Variants in PDE1C observed in about 807,000 individuals in gnomAD.
PDE1C encodes the protein dual specificity calcium/calmodulin-dependent 3',5'-cyclic nucleotide phosphodiesterase 1C.
Under a neutral mutation model 93.1 loss-of-function variants are expected in PDE1C, and 62 were observed. That is an observed-to-expected ratio of 0.67 (90% CI 0.54 to 0.82). The LOEUF (loss-of-function observed/expected upper bound fraction) is 0.82, where lower values mean the gene tolerates loss of function less well. Ranked by LOEUF, PDE1C falls within the 40% of genes least tolerant of loss-of-function variation. The pLI, the probability that PDE1C is intolerant of heterozygous loss-of-function variation, is 0.00. For synonymous variants in PDE1C, 325 were observed against 310.1 expected, an observed-to-expected ratio of 1.05 and a Z score of -0.50; for missense variants, 742 against 884.6, an observed-to-expected ratio of 0.84 and a Z score of 2.04.
chr7:31,740,559 T>G, the PDE1C span, among the ~76,000 whole-genome samples: 1 of 152,238 alleles, frequency 6.6e-6, no homozygotes, highest in African/African-American at 2.4e-5. Flanking sequence ...GAATGCTAGA[T>G]TACCATGTGC....
chr7:31,790,264 AAAAAAG>A (rs750192083), intron 16 of PDE1C: 24 of 1,611,812 alleles, frequency 1.5e-5, no homozygotes, highest in East Asian at 4.5e-5. Context: ...GTGAATCTGA[AAAAAAG>A]AAAAAGAAAA....
intron 2 of PDE1C, among the ~76,000 whole-genome samples, chr7:31,914,062 T>C (rs1183674466): frequency 6.6e-6 from 1 of 152,188 alleles, no homozygotes; most frequent in African/African-American, 2.4e-5. Context: ...AGGGAAAATA[T>C]ATAAATTCAC....
chr7:31,804,091 T>C (rs1281141629), intron 16 of PDE1C, among the ~76,000 whole-genome samples: 1 of 151,842 alleles, frequency 6.6e-6, no homozygotes, highest in Non-Finnish European at 1.5e-5. Context: ...CCAAACATTG[T>C]GAATTTCACC....
At chr7:32,156,745 G>A (rs1334396160) in intron 3 of PDE1C, among the ~76,000 whole-genome samples, 1 of 152,202 alleles carries the variant, frequency 6.6e-6, no homozygotes, top group East Asian at 1.9e-4. Flanking sequence ...AGAAGTGATA[G>A]GGTTAGAAAA....
At chr7:32,128,831 GC>G (rs1187205912) in intron 3 of PDE1C, among the ~76,000 whole-genome samples, 2 of 145,174 alleles carry the variant, frequency 1.4e-5, no homozygotes, top group Non-Finnish European at 3.0e-5. Context: ...GCAGGGGGAA[GC>G]TTGCCATTAA....
intron 7 of PDE1C, among the ~76,000 whole-genome samples, chr7:31,861,518 T>C (rs758793314): frequency 1.8e-4 from 27 of 152,042 alleles, no homozygotes; most frequent in Non-Finnish European, 4.4e-5. Flanking sequence ...AAACTCTACA[T>C]GTCTAAATCA....
chr7:32,124,062 T>C (rs1030100563), intron 3 of PDE1C, among the ~76,000 whole-genome samples: 9 of 151,896 alleles, frequency 5.9e-5, no homozygotes, highest in Non-Finnish European at 7.4e-5. Flanking sequence ...ACACAAACAA[T>C]TGACAAGCAG....
chr7:32,241,394 C>T (rs1808533946), intron 1 of PDE1C, among the ~76,000 whole-genome samples: 1 of 152,082 alleles, frequency 6.6e-6, no homozygotes, highest in African/African-American at 2.4e-5. Context: ...GAGGGAGTGG[C>T]CAACCATGTC....
the PDE1C span, among the ~76,000 whole-genome samples, chr7:31,624,215 C>G: frequency 3.5e-4 from 52 of 147,028 alleles, no homozygotes; most frequent in Middle Eastern, 3.6e-3. Flanking sequence ...TTTATAGATT[C>G]AATGCCATCC....
chr7:31,659,216 G>C, the PDE1C span, among the ~76,000 whole-genome samples: 1 of 152,130 alleles, frequency 6.6e-6, no homozygotes, highest in African/African-American at 2.4e-5. Flanking sequence ...CTATGGACAT[G>C]GATAGGCATT....
chr7:32,198,546 C>T (rs1804776206), intron 2 of PDE1C, among the ~76,000 whole-genome samples: 1 of 152,124 alleles, frequency 6.6e-6, no homozygotes, highest in African/African-American at 2.4e-5. Context: ...ACCATTCTAC[C>T]AACCCTTGGG....
chr7:31,948,793 A>G (rs1806969530), intron 2 of PDE1C, among the ~76,000 whole-genome samples: 1 of 152,198 alleles, frequency 6.6e-6, no homozygotes, highest in Non-Finnish European at 1.5e-5. Flanking sequence ...GTGATAGATT[A>G]TAGTTTAACA....
chr7:31,621,788 T>G, the PDE1C span, among the ~76,000 whole-genome samples: 1 of 148,762 alleles, frequency 6.7e-6, no homozygotes, highest in Non-Finnish European at 1.5e-5. Context: ...GACTAAATGC[T>G]CCAATTAAAA....
intron 14 of PDE1C, 54 bp from the exon 15 acceptor site, chr7:31,816,208 C>G: frequency 6.6e-7 from 1 of 1,523,358 alleles, no homozygotes; most frequent in Non-Finnish European, 9.0e-7. Flanking sequence ...GAGGTCATGC[C>G]GTTAGGAGAA....
the PDE1C span, among the ~76,000 whole-genome samples, chr7:31,644,799 A>G: frequency 2.0e-5 from 3 of 151,690 alleles, no homozygotes; most frequent in Admixed American, 2.0e-4. Context: ...ACTTGTATAG[A>G]GAGTTGAAAA....
intron 17 of PDE1C, among the ~76,000 whole-genome samples, chr7:31,771,609 A>G (rs1291053099): frequency 6.6e-6 from 1 of 150,960 alleles, no homozygotes; most frequent in Non-Finnish European, 1.5e-5. Context: ...AGAGTTCTTT[A>G]TATCTTTCAT....
intron 2 of PDE1C, among the ~76,000 whole-genome samples, chr7:31,900,837 T>C (rs1799887880): frequency 6.6e-6 from 1 of 151,874 alleles, no homozygotes; most frequent in Non-Finnish European, 1.5e-5. Context: ...GTTCTTCAGA[T>C]TCATGCTACC....
chr7:31,902,717 G>GA (rs1439910164), intron 2 of PDE1C, among the ~76,000 whole-genome samples: 1 of 151,466 alleles, frequency 6.6e-6, no homozygotes, highest in African/African-American at 2.4e-5. Context: ...ATCACACGAT[G>GA]AAAAAATCTT....
intron 3 of PDE1C, among the ~76,000 whole-genome samples, chr7:32,127,500 C>T (rs531757529): frequency 6.6e-6 from 1 of 152,000 alleles, no homozygotes; most frequent in Non-Finnish European, 1.5e-5. Context: ...TAGAAAAAAA[C>T]TTTCCTGGGT....
Sources: allele counts gnomAD v4.1 joint callset (sites outside exome capture counted in the v4.1 genomes callset), GRCh38; gene constraint gnomAD v4.1.1; transcripts MANE v1.5; gene names NCBI Gene and HGNC (gene_info 2026-07-23, HGNC 2026-07-21).